Variants in RTL4 observed in about 807,000 individuals in gnomAD.
RTL4 encodes the protein retrotransposon Gag like 4.
In RTL4, 4 loss-of-function variants were observed where a neutral mutation model predicts 5.3. The ratio of observed to expected loss-of-function variants is 0.75; its 90% CI spans 0.37 to 1.72. The LOEUF (loss-of-function observed/expected upper bound fraction) is 1.72, where lower values mean the gene tolerates loss of function less well. RTL4 is among the 40% of genes most tolerant of loss of function. The pLI, the probability that RTL4 is intolerant of heterozygous loss-of-function variation, is 0.04. For missense variants in RTL4, 260 were observed against 227.1 expected, an observed-to-expected ratio of 1.14 and a Z score of -0.93; for synonymous variants, 98 against 87.3, an observed-to-expected ratio of 1.12 and a Z score of -0.68.
chrX:112,202,593 C>G, the RTL4 span, among the ~76,000 whole-genome samples: 2 of 106,668 alleles, frequency 1.9e-5, no homozygotes, highest in Non-Finnish European at 3.8e-5. Context: ...CAGAGCCTCA[C>G]TCTATCACCC....
At chrX:112,107,390 A>C in the RTL4 span, among the ~76,000 whole-genome samples, 1 of 112,284 alleles carries the variant, frequency 8.9e-6, no homozygotes, top group Non-Finnish European at 1.9e-5. Flanking sequence ...TGTATTATAC[A>C]TACTTTTTTC....
At chrX:112,147,524 A>G in the RTL4 span, among the ~76,000 whole-genome samples, 1 of 112,050 alleles carries the variant, frequency 8.9e-6, no homozygotes, top group African/African-American at 3.2e-5. Flanking sequence ...ACTGCACTTC[A>G]GTGAACTGGT....
chrX:112,419,628 AG>A, the RTL4 span, among the ~76,000 whole-genome samples: 10 of 9,150 alleles, frequency 1.1e-3, no homozygotes, highest in South Asian at 6.0e-3. Flanking sequence ...TATATATTTA[AG>A]TATGTAAATC....
the RTL4 span, among the ~76,000 whole-genome samples, chrX:112,362,427 A>G: frequency 1.9e-4 from 21 of 111,830 alleles, no homozygotes; most frequent in African/African-American, 5.8e-4. Context: ...AGGTTTCCTA[A>G]CCATCCATTT....
At chrX:112,420,131 T>C in the RTL4 span, among the ~76,000 whole-genome samples, 6 of 111,364 alleles carry the variant, frequency 5.4e-5, no homozygotes. Context: ...TCCCCAGAGA[T>C]GTCCAGATAA....
the RTL4 span, among the ~76,000 whole-genome samples, chrX:112,154,589 T>C: frequency 8.9e-6 from 1 of 112,328 alleles, no homozygotes; most frequent in African/African-American, 3.2e-5. Context: ...AAGTCTCTGC[T>C]CAGTTATTCT....
chrX:112,348,658 G>A, the RTL4 span, among the ~76,000 whole-genome samples: 1 of 110,666 alleles, frequency 9.0e-6, no homozygotes, highest in Non-Finnish European at 1.9e-5. Flanking sequence ...AAGACTGCAC[G>A]TTCCTTAAAG....
At chrX:112,449,755 G>A (rs1176675326), upstream of RTL4, among the ~76,000 whole-genome samples, 1 of 112,193 alleles carries the variant, frequency 8.9e-6, no homozygotes, top group Non-Finnish European at 1.9e-5. Flanking sequence ...AGGGATGATT[G>A]ATAGTCAATG....
rs1926799200 is a variant in RTL4 at position 112,454,628 on chromosome X, A to G, written c.-101A>G. 3 of 816,924 alleles carry G rather than the reference A, an allele frequency of 3.7e-6. No individual in the cohort carries two copies. In the African/African-American group the frequency reaches 6.3e-5, roughly 17 times the overall value. 67.3% of individuals were successfully genotyped at this position (816,924 alleles called of 1,213,427 possible). On this transcript the variant is annotated 5_prime_UTR_variant, in exon 1 of 1. It removes an upstream start codon present in the reference 5' UTR. Coordinates refer to ENST00000340433, the Ensembl canonical transcript of RTL4. ...AGCTAACAGCTTTGGCTACTTGCTCATGACACTCCGTCTCTGATCACAGAG... is the reference window on the plus strand; with the variant it reads ...AGCTAACAGCTTTGGCTACTTGCTCGTGACACTCCGTCTCTGATCACAGAG...
the RTL4 span, among the ~76,000 whole-genome samples, chrX:112,303,637 T>G: frequency 1.1e-5 from 1 of 88,246 alleles, no homozygotes; most frequent in Non-Finnish European, 2.1e-5. Context: ...GGGATAGCAT[T>G]AGGAGATATA....
At chrX:112,363,323 C>A in the RTL4 span, among the ~76,000 whole-genome samples, 1 of 111,138 alleles carries the variant, frequency 9.0e-6, no homozygotes, top group Admixed American at 9.6e-5. Flanking sequence ...GTTGGAGGGT[C>A]TCCAGGGGAA....
At chrX:112,117,441 T>G in the RTL4 span, among the ~76,000 whole-genome samples, 1 of 110,435 alleles carries the variant, frequency 9.1e-6, no homozygotes, top group East Asian at 2.9e-4. Flanking sequence ...GAAAATATTT[T>G]CAACATATAT....
At chrX:112,203,736 T>C in the RTL4 span, among the ~76,000 whole-genome samples, 3 of 112,051 alleles carry the variant, frequency 2.7e-5, no homozygotes, top group African/African-American at 9.7e-5. Flanking sequence ...TTTTAGCTAT[T>C]CTAGGGCCTA....
chrX:112,354,538 T>C, the RTL4 span, among the ~76,000 whole-genome samples: 2 of 111,953 alleles, frequency 1.8e-5, no homozygotes, highest in Non-Finnish European at 3.8e-5. Context: ...GTTGTCTTTA[T>C]GCATTGATAT....
At chrX:112,185,384 TATATATATATATATATATAC>T in the RTL4 span, among the ~76,000 whole-genome samples, 700 of 100,681 alleles carry the variant, frequency 7.0e-3, 9 homozygotes, top group African/African-American at 0.024. Flanking sequence ...TTAATATATA[TATATATATATATATATATAC>T]ACACACACAC....
chrX:112,174,544 A>G, the RTL4 span, among the ~76,000 whole-genome samples: 1 of 105,714 alleles, frequency 9.5e-6, no homozygotes, highest in South Asian at 4.6e-4. Flanking sequence ...ATAAGCATAC[A>G]TGTGCATGTG....
the RTL4 span, among the ~76,000 whole-genome samples, chrX:112,171,656 A>G: frequency 3.6e-5 from 4 of 111,531 alleles, no homozygotes; most frequent in Non-Finnish European, 7.5e-5. Context: ...TTTCTTATCT[A>G]TTAGTCTAGC....
the RTL4 span, among the ~76,000 whole-genome samples, chrX:112,434,418 A>T: frequency 1.8e-5 from 2 of 111,314 alleles, no homozygotes; most frequent in African/African-American, 6.5e-5. Flanking sequence ...AGAGCCTGTT[A>T]TTGGTCTATT....
chrX:112,402,485 T>C, the RTL4 span, among the ~76,000 whole-genome samples: 1 of 109,278 alleles, frequency 9.2e-6, no homozygotes, highest in African/African-American at 3.3e-5. Flanking sequence ...ACCATGTTTA[T>C]CCATGTTATG....
Sources: gnomAD v4.1 joint callset for allele counts (sites outside exome capture counted in the v4.1 genomes callset) on GRCh38, gnomAD v4.1.1 for gene constraint, MANE v1.5 for transcripts, NCBI Gene and HGNC (gene_info 2026-07-23, HGNC 2026-07-21) for gene names.